ZNF532: variants seen among roughly 807,000 people sequenced by gnomAD.
The protein encoded by ZNF532 is zinc finger protein 532.
ZNF532 carries 22 observed loss-of-function variants against 89.3 expected under a neutral mutation model. The ratio of observed to expected loss-of-function variants is 0.25; its 90% CI spans 0.18 to 0.35. The LOEUF (loss-of-function observed/expected upper bound fraction) is 0.35, where lower values mean the gene tolerates loss of function less well. Ranked by LOEUF, ZNF532 falls within the 10% of genes least tolerant of loss-of-function variation. ZNF532 has a pLI of 1.00. For missense variants in ZNF532, 1,132 were observed against 1,643.4 expected (o/e 0.69, Z 5.38); for synonymous variants, 606 against 649.6 (o/e 0.93, Z 1.02).
At chr18:58,925,436 A>G (rs1304062230) in intron 3 of ZNF532, among the ~76,000 whole-genome samples, 2 of 152,172 alleles carry the variant, frequency 1.3e-5, no homozygotes, top group Admixed American at 6.5e-5. Context: ...GTCTCTTCAT[A>G]TCTTTTGCCC....
chr18:58,864,212 C>G (rs1349539486), upstream of ZNF532: 1 of 152,616 alleles, frequency 6.6e-6, no homozygotes, highest in East Asian at 1.9e-4. Context: ...GACTTCTCCC[C>G]CCAGGTGCTT....
intron 6 of ZNF532, 74 bp downstream of exon 6, chr18:58,948,303 C>T (rs1248462157): frequency 6.8e-7 from 1 of 1,469,856 alleles, no homozygotes; most frequent in Non-Finnish European, 9.2e-7. Flanking sequence ...GGCTGAGCTG[C>T]AGGTGACTCT....
chr18:58,953,385 C>T, intron 6 of ZNF532, 133 bp from the exon 7 acceptor site: 1 of 758,264 alleles, frequency 1.3e-6, no homozygotes, highest in Non-Finnish European at 2.1e-6. Flanking sequence ...AGGTTTTTTT[C>T]TTTATATATT....
intron 2 of ZNF532, among the ~76,000 whole-genome samples, chr18:58,901,110 C>T (rs1279590265): frequency 3.9e-5 from 6 of 152,172 alleles, no homozygotes; most frequent in Non-Finnish European, 8.8e-5. Flanking sequence ...GACCCATGGC[C>T]GAGATGGGAC....
chr18:58,901,508 T>C (rs911888273), intron 2 of ZNF532, among the ~76,000 whole-genome samples: 2 of 152,212 alleles, frequency 1.3e-5, no homozygotes, highest in African/African-American at 2.4e-5. Flanking sequence ...TGAAAATACA[T>C]AGGACTTTTA....
intron 6 of ZNF532, among the ~76,000 whole-genome samples, chr18:58,952,155 C>T (rs1386300509): frequency 1.3e-5 from 2 of 152,196 alleles, no homozygotes; most frequent in Admixed American, 1.3e-4. Context: ...TGGCTTCTTT[C>T]TTAAACATCC....
intron 7 of ZNF532, among the ~76,000 whole-genome samples, chr18:58,975,015 C>T (rs1429233289): frequency 6.6e-6 from 1 of 152,164 alleles, no homozygotes; most frequent in African/African-American, 2.4e-5. Context: ...TTTTTAGGAG[C>T]ACCGATGTTG....
chr18:58,978,624 T>A (rs76810741), intron 7 of ZNF532, among the ~76,000 whole-genome samples: 9,917 of 152,214 alleles, frequency 0.065, 1,211 homozygotes, highest in East Asian at 0.54. Context: ...ATTTTTATTA[T>A]ATATTTTTAA....
chr18:58,957,321 T>C (rs2064874400), intron 7 of ZNF532, among the ~76,000 whole-genome samples: 1 of 151,678 alleles, frequency 6.6e-6, no homozygotes, highest in South Asian at 2.1e-4. Flanking sequence ...CAATGAAATA[T>C]TATGCATTAG....
At chr18:58,869,774 T>TG (rs2056817168) in intron 2 of ZNF532, among the ~76,000 whole-genome samples, 1 of 149,992 alleles carries the variant, frequency 6.7e-6, no homozygotes, top group Non-Finnish European at 1.5e-5. Flanking sequence ...TTTTTTTTTT[T>TG]TTTTTTTTTG....
rs544594276 is a variant in ZNF532 at position 58,942,269 on chromosome 18, A to G, written c.2705+2648A>G. Among the ~76,000 whole-genome samples, 1,116 of 145,174 alleles carry G rather than the reference A, an allele frequency of 7.7e-3. 8 individuals are homozygous for G. The highest frequency in any genetic ancestry group is 0.02 in the African/African-American group (756 of 38,712). ...GAACTCCTGACCTCGTGATCCGCCC[A>G]CCTTGGCCTCCCAAAGTGCTGGGAT... On this transcript the variant is annotated intron_variant, in intron 5 of 9. Transcript: ENST00000591808.
At chr18:58,924,982 G>T (rs943252647) in intron 3 of ZNF532, among the ~76,000 whole-genome samples, 8 of 152,030 alleles carry the variant, frequency 5.3e-5, no homozygotes, top group Non-Finnish European at 7.4e-5. Flanking sequence ...AGATTCCATT[G>T]TATGGTTATA....
intron 5 of ZNF532, among the ~76,000 whole-genome samples, chr18:58,945,830 C>T (rs2063602002): frequency 6.6e-6 from 1 of 151,830 alleles, no homozygotes; most frequent in African/African-American, 2.4e-5. Context: ...TGGGTTCAAG[C>T]GATTCCCCTG....
At chr18:58,923,941 C>G (rs1212036853) in intron 3 of ZNF532, among the ~76,000 whole-genome samples, 1 of 152,162 alleles carries the variant, frequency 6.6e-6, no homozygotes. Context: ...ATGGCAACCT[C>G]TGCCTCCTGG....
chr18:58,873,249 T>G (rs973628201), intron 2 of ZNF532, among the ~76,000 whole-genome samples: 2 of 152,076 alleles, frequency 1.3e-5, no homozygotes, highest in Non-Finnish European at 2.9e-5. Context: ...CTCAAACACC[T>G]GTGCTCAAGT....
At chr18:58,888,760 T>TAATATATATAATTTATATATATAA (rs2058556451) in intron 2 of ZNF532, among the ~76,000 whole-genome samples, 1 of 6,568 alleles carries the variant, frequency 1.5e-4, no homozygotes, top group African/African-American at 5.7e-4. Flanking sequence ...TATATAAAAT[T>TAATATATATAATTTATATATATAA]AATATATATA....
At chr18:58,907,382 T>C (rs1414902249) in intron 2 of ZNF532, among the ~76,000 whole-genome samples, 5 of 152,010 alleles carry the variant, frequency 3.3e-5, no homozygotes, top group East Asian at 1.9e-4. Flanking sequence ...GATGGGGTTT[T>C]ACCATGTCAG....
At chr18:58,938,092 A>T (rs556595508) in intron 4 of ZNF532, among the ~76,000 whole-genome samples, 5 of 152,328 alleles carry the variant, frequency 3.3e-5, no homozygotes, top group Admixed American at 6.5e-5. Context: ...CTTCGGAAGC[A>T]TCTCCATGAT....
chr18:58,945,548 G>A (rs950838042), intron 5 of ZNF532, among the ~76,000 whole-genome samples: 1 of 152,038 alleles, frequency 6.6e-6, no homozygotes, highest in Non-Finnish European at 1.5e-5. Context: ...ACTTCCTGTT[G>A]TTAAGACAGC....
Sources: allele counts gnomAD v4.1 joint callset (sites outside exome capture counted in the v4.1 genomes callset), GRCh38; gene constraint gnomAD v4.1.1; transcripts MANE v1.5; gene names NCBI Gene and HGNC (gene_info 2026-07-23, HGNC 2026-07-21).